DHRS4L2: variants seen among roughly 807,000 people sequenced by gnomAD.
The protein encoded by DHRS4L2 is dehydrogenase/reductase SDR family member 4-like 2.
DHRS4L2 carries 22 observed loss-of-function variants against 23.9 expected under a neutral mutation model. The observed-to-expected ratio is 0.92, with a 90% CI of 0.66 to 1.31. The LOEUF (loss-of-function observed/expected upper bound fraction) is 1.31, where lower values mean the gene tolerates loss of function less well. DHRS4L2 is among the 40% of genes most tolerant of loss of function. The pLI is 0.00. For synonymous variants in DHRS4L2, 141 were observed against 123.7 expected (o/e 1.14, Z -0.93); for missense variants, 385 against 303.3 (o/e 1.27, Z -2.00).
At chr14:24,004,240 G>T in intron 6 of DHRS4L2, 97 bp from the exon 7 acceptor site, 2 of 1,441,280 alleles carry the variant, frequency 1.4e-6, no homozygotes, top group East Asian at 2.5e-5. Context: ...CTACAGTCCG[G>T]CCTGGGCAAA....
At chr14:23,987,216 C>T (rs61999787), upstream of DHRS4L2, 4,143 of 373,246 alleles carry the variant, frequency 0.011, 91 homozygotes, top group Non-Finnish European at 0.015. Context: ...CTGCAAGCTC[C>T]GCATCCCGTG....
chr14:23,993,693 A>G (rs1428837216), intron 2 of DHRS4L2, among the ~76,000 whole-genome samples: 1 of 151,682 alleles, frequency 6.6e-6, no homozygotes, highest in African/African-American at 2.4e-5. Flanking sequence ...CGCTTTCTCA[A>G]TTTAAATTTC....
At chr14:23,979,212 G>A (rs1594454829) in intron 1 of DHRS4L2, among the ~76,000 whole-genome samples, 1 of 149,102 alleles carries the variant, frequency 6.7e-6, no homozygotes, top group South Asian at 2.2e-4. Context: ...TTACATAATG[G>A]TAAAGGGATC....
chr14:23,995,216 C>G lies in DHRS4L2; in HGVS notation c.408+83C>G. 2.7e-6 allele frequency: 4 copies of G among 1,494,022 alleles called. No individual in the cohort carries two copies. The South Asian group carries it at 4.6e-5, about 17-fold the overall frequency. The allele number at this position is 1,494,022 out of a possible 1,614,324, so 92.5% of individuals were successfully genotyped here. ...CCATCTGCTTTTAGAATGCATTTCT[C>G]AAGGGCAGTGTAAATGTGAGGACTC... is the stretch of plus-strand genomic sequence containing the variant. On this transcript the variant is annotated intron_variant, in intron 3 of 7. Transcript: ENST00000335125.
Position 23,990,285 on chromosome 14 carries a change from G to A in DHRS4L2, c.232G>A (p.Gly78Arg), listed in dbSNP as rs762271415. Reference sequence around the variant, plus strand: ...GGACCAGGCGGTGGCCACGCTGCAGGGGGAGGGGCTGAGCGTGACGGGCAC... The same window carrying A: ...GGACCAGGCGGTGGCCACGCTGCAGAGGGAGGGGCTGAGCGTGACGGGCAC... ...NVDQAVATLQGEGLSVTGTVC... is the reference protein window; with the variant it reads ...NVDQAVATLQREGLSVTGTVC... Residue 78 changes from glycine to arginine, a missense_variant, in exon 2 of 8, where the codon GGG becomes AGG. Physicochemically the swap from Gly to Arg is moderately radical, Grantham distance 125. Coordinates refer to ENST00000335125, the MANE Select transcript of DHRS4L2 (RefSeq NM_198083.4). The A allele has an allele frequency of 6.8e-6, 11 of 1,612,454 alleles. No homozygotes were observed. Among genetic ancestry groups the A allele is most frequent in the Non-Finnish European group, 9.3e-6 (11 of 1,179,280 alleles).
At chr14:23,996,274 C>G (rs2034380895) in intron 3 of DHRS4L2, among the ~76,000 whole-genome samples, 1 of 151,548 alleles carries the variant, frequency 6.6e-6, no homozygotes, top group Non-Finnish European at 1.5e-5. Context: ...AGGGGACAAA[C>G]TTACCAACTA....
intron 1 of DHRS4L2, among the ~76,000 whole-genome samples, chr14:23,989,932 G>T (rs1269420969): frequency 6.6e-6 from 1 of 151,708 alleles, no homozygotes; most frequent in East Asian, 1.9e-4. Context: ...TGTCACCCGT[G>T]GTGGGAACTG....
chr14:24,001,093 C>A lies in DHRS4L2; in HGVS notation c.531+9C>A, dbSNP rs779636122. The A allele has an allele frequency of 7.5e-6, 12 of 1,610,592 alleles. 1 individual carries two copies. The highest frequency in any genetic ancestry group is 2.2e-5 in the East Asian group (1 of 44,896). On this transcript the variant is annotated intron_variant, in intron 5 of 7. Transcript: ENST00000335125. The stretch of plus-strand genomic sequence containing the variant: ...CCTTCAGTCCATCTCCTGTAAGAAC[C>A]CTTTTGTCTACCTCTTCCATCCCAC...
chr14:23,987,289 C>T, upstream of DHRS4L2: 2 of 281,166 alleles, frequency 7.1e-6, no homozygotes, highest in South Asian at 5.3e-5. Flanking sequence ...TACCACCACG[C>T]CCGGCTAATT....
In DHRS4L2 at chr14:24,000,139, T is replaced by C. The variant is rs1409373612; in HGVS notation, c.409-724T>C. ...TGTACAGATCTACAGAGAGGACAAATAGGACAAAATGTGAACAATTGGTGA... is the reference window on the plus strand; with the variant it reads ...TGTACAGATCTACAGAGAGGACAAACAGGACAAAATGTGAACAATTGGTGA... On this transcript the variant is annotated intron_variant, in intron 3 of 7. Coordinates refer to ENST00000335125, the MANE Select transcript of DHRS4L2 (RefSeq NM_198083.4). Among the ~76,000 whole-genome samples the C allele has an allele frequency of 2.1e-5, 3 of 142,594 alleles. No individual in the cohort carries two copies. The East Asian group carries it at 6.1e-4, about 29-fold the overall frequency. 93.5% of individuals were successfully genotyped at this position (142,594 alleles called of 152,430 possible). A position where few individuals can be genotyped will look rare whatever the true frequency, so the allele number is the denominator to read the frequency against.
At chr14:24,000,978 A>T in intron 4 of DHRS4L2, 45 bp downstream of exon 4, 2 of 1,610,266 alleles carry the variant, frequency 1.2e-6, no homozygotes, top group South Asian at 2.2e-5. Context: ...GACCCCACAC[A>T]GGCTGAGGGC....
At chr14:23,982,374 T>C (rs535918631) in intron 1 of DHRS4L2, among the ~76,000 whole-genome samples, 1 of 151,636 alleles carries the variant, frequency 6.6e-6, no homozygotes, top group African/African-American at 2.4e-5. Context: ...AGTTACAGAT[T>C]AACAGCATCT....
chr14:23,993,669 A>AT (rs750847736), intron 2 of DHRS4L2, among the ~76,000 whole-genome samples: 17 of 151,830 alleles, frequency 1.1e-4, no homozygotes, highest in Non-Finnish European at 2.4e-4. Context: ...AGGAGGTGAG[A>AT]TGTTGCCTTT....
At chr14:23,996,278 C>T (rs1038335401) in intron 3 of DHRS4L2, among the ~76,000 whole-genome samples, 1 of 151,468 alleles carries the variant, frequency 6.6e-6, no homozygotes, top group Non-Finnish European at 1.5e-5. Flanking sequence ...GACAAACTTA[C>T]CAACTATATC....
At chr14:23,986,545 G>C (rs1294490821), upstream of DHRS4L2, among the ~76,000 whole-genome samples, 1 of 150,824 alleles carries the variant, frequency 6.6e-6, no homozygotes, top group Non-Finnish European at 1.5e-5. Flanking sequence ...AAAAGAAATA[G>C]TGCTGGAGGC....
At chr14:23,993,764 A>C (rs540813833) in intron 2 of DHRS4L2, among the ~76,000 whole-genome samples, 2 of 151,796 alleles carry the variant, frequency 1.3e-5, no homozygotes, top group African/African-American at 4.8e-5. Context: ...GACAGGGAAA[A>C]TGACATCATA....
chr14:23,999,108 C>G (rs1242118708), intron 3 of DHRS4L2, among the ~76,000 whole-genome samples: 1 of 144,400 alleles, frequency 6.9e-6, no homozygotes, highest in African/African-American at 2.6e-5. Context: ...TCAGAACACA[C>G]AACATTTTTC....
chr14:23,985,153 C>A (rs532807348), upstream of DHRS4L2, among the ~76,000 whole-genome samples: 5 of 151,460 alleles, frequency 3.3e-5, no homozygotes, highest in Non-Finnish European at 7.4e-5. Context: ...GGTGCAGAAG[C>A]GAGTTTGCCC....
intron 1 of DHRS4L2, among the ~76,000 whole-genome samples, chr14:23,980,923 C>G (rs532930407): frequency 6.6e-6 from 1 of 151,752 alleles, no homozygotes; most frequent in South Asian, 2.1e-4. Flanking sequence ...CTCACCACTC[C>G]TATTCAACAT....
Sources: gnomAD v4.1 joint callset for allele counts (sites outside exome capture counted in the v4.1 genomes callset) on GRCh38, gnomAD v4.1.1 for gene constraint, MANE v1.5 for transcripts, NCBI Gene and HGNC (gene_info 2026-07-23, HGNC 2026-07-21) for gene names.